Variants in FBXO36 observed in about 807,000 individuals in gnomAD.
The protein encoded by FBXO36 is F-box protein 36, also known as F-box only protein 36.
FBXO36 carries 18 observed loss-of-function variants against 17.0 expected under a neutral mutation model. The ratio of observed to expected loss-of-function variants is 1.06; its 90% CI spans 0.73 to 1.57. The LOEUF (loss-of-function observed/expected upper bound fraction) is 1.57, where lower values mean the gene tolerates loss of function less well. Ranked by LOEUF, FBXO36 falls within the 40% of genes most tolerant of loss-of-function variation. FBXO36 has a pLI of 0.00. For missense variants in FBXO36, 229 were observed against 221.9 expected, an observed-to-expected ratio of 1.03 and a Z score of -0.20; for synonymous variants, 83 against 85.3, an observed-to-expected ratio of 0.97 and a Z score of 0.15.
chr2:229,950,815 G>A (rs1014052419), intron 1 of FBXO36, among the ~76,000 whole-genome samples: 2 of 151,260 alleles, frequency 1.3e-5, no homozygotes, highest in African/African-American at 4.9e-5. Flanking sequence ...GGAGTGCAGT[G>A]GGGTGATCTT....
At chr2:230,002,861 G>A (rs1474808394) in intron 3 of FBXO36, among the ~76,000 whole-genome samples, 1 of 152,100 alleles carries the variant, frequency 6.6e-6, no homozygotes, top group Non-Finnish European at 1.5e-5. Flanking sequence ...TTTTGATAAA[G>A]CTAAACTTGT....
rs1049793522 is a variant in FBXO36, at chr2:229,996,775, C to G, written c.230C>G (p.Ala77Gly). 6.2e-7 allele frequency: 1 copy of G among 1,611,296 alleles called. No individual in the cohort carries two copies. The highest frequency in any genetic ancestry group is 8.5e-7 in the Non-Finnish European group (1 of 1,179,558). ...LQGQTALIFG[A>G]RILDYVINLC... ...GGTCAAACTGCCTTAATATTTGGTG[C>G]AAGAATATTAGACTATGTCATCAAT... The change falls in exon 3 of 4, where the codon GCA becomes GGA. Residue 77 changes from alanine to glycine, a missense_variant. Ala to Gly is a moderately conservative substitution (Grantham distance 60). Transcript: ENST00000283946.
chr2:229,935,675 G>T, intron 1 of FBXO36, among the ~76,000 whole-genome samples: 1 of 152,164 alleles, frequency 6.6e-6, no homozygotes, highest in East Asian at 1.9e-4. Flanking sequence ...AAGTCTTCCT[G>T]TCCTTACATT....
intron 1 of FBXO36, among the ~76,000 whole-genome samples, chr2:229,966,117 C>A (rs1258678845): frequency 6.6e-6 from 1 of 152,168 alleles, no homozygotes; most frequent in East Asian, 1.9e-4. Flanking sequence ...ATTTGTATTT[C>A]TCTGATGGCC....
intron 2 of FBXO36, among the ~76,000 whole-genome samples, chr2:229,989,858 C>T (rs2077289631): frequency 6.6e-6 from 1 of 152,082 alleles, no homozygotes; most frequent in Non-Finnish European, 1.5e-5. Flanking sequence ...CAGGCGTGAG[C>T]CACCGCACCC....
At chr2:229,981,594 CAGG>C (rs2077240087) in intron 2 of FBXO36, among the ~76,000 whole-genome samples, 1 of 150,784 alleles carries the variant, frequency 6.6e-6, no homozygotes, top group Non-Finnish European at 1.5e-5. Context: ...CCCAGTTACT[CAGG>C]AGGCTGAGGT....
At chr2:229,936,606 C>A (rs907022336) in intron 1 of FBXO36, among the ~76,000 whole-genome samples, 1 of 152,144 alleles carries the variant, frequency 6.6e-6, no homozygotes, top group Non-Finnish European at 1.5e-5. Context: ...CGGTGGCTCA[C>A]ACTTGTAATC....
intron 1 of FBXO36, among the ~76,000 whole-genome samples, chr2:229,944,921 T>A (rs2077019111): frequency 6.6e-6 from 1 of 152,188 alleles, no homozygotes; most frequent in Non-Finnish European, 1.5e-5. Context: ...TGTGAACTAA[T>A]AAATAATTTA....
intron 2 of FBXO36, among the ~76,000 whole-genome samples, chr2:229,993,759 C>CTTTA (rs144401075): frequency 0.036 from 5,497 of 151,690 alleles, 354 homozygotes; most frequent in African/African-American, 0.13. Context: ...AACTTTTACA[C>CTTTA]TTTATTTATT....
At chr2:229,965,971 T>C (rs1473110341) in intron 1 of FBXO36, among the ~76,000 whole-genome samples, 1 of 152,216 alleles carries the variant, frequency 6.6e-6, no homozygotes, top group East Asian at 1.9e-4. Context: ...TCCACAATGG[T>C]TGAACTAGTT....
intron 1 of FBXO36, among the ~76,000 whole-genome samples, chr2:229,956,807 TCTC>T (rs2077090502): frequency 6.6e-6 from 1 of 152,072 alleles, no homozygotes; most frequent in Non-Finnish European, 1.5e-5. Context: ...AGAGACTAGT[TCTC>T]CTTTAGTTCA....
At chr2:229,995,265 C>T (rs576804163) in intron 2 of FBXO36, among the ~76,000 whole-genome samples, 27 of 152,212 alleles carry the variant, frequency 1.8e-4, no homozygotes, top group African/African-American at 6.5e-4. Flanking sequence ...AAACATCTAT[C>T]CTTCCAAACA....
chr2:229,954,623 C>T (rs2077076050), intron 1 of FBXO36, among the ~76,000 whole-genome samples: 2 of 145,602 alleles, frequency 1.4e-5, no homozygotes, highest in Admixed American at 1.4e-4. Context: ...TCTCAGCTCA[C>T]TGCAAGCTCC....
chr2:229,946,166 C>A (rs781639098), intron 1 of FBXO36, among the ~76,000 whole-genome samples: 34 of 152,266 alleles, frequency 2.2e-4, no homozygotes, highest in Non-Finnish European at 4.3e-4. Flanking sequence ...GACTGTACTT[C>A]CATGGGACAT....
chr2:229,974,743 A>G (rs999509056), intron 1 of FBXO36, among the ~76,000 whole-genome samples: 4 of 152,166 alleles, frequency 2.6e-5, no homozygotes, highest in East Asian at 1.9e-4. Flanking sequence ...GCCCATTAAT[A>G]TTAAATAATG....
chr2:230,009,183 CAG>C (rs113314824), intron 3 of FBXO36, among the ~76,000 whole-genome samples: 5 of 152,190 alleles, frequency 3.3e-5, no homozygotes, highest in African/African-American at 9.6e-5. Flanking sequence ...AGTCAGGACA[CAG>C]GGGGGCACAG....
intron 2 of FBXO36, among the ~76,000 whole-genome samples, chr2:229,984,355 A>G (rs1056555459): frequency 6.6e-6 from 1 of 151,730 alleles, no homozygotes. Flanking sequence ...TCAAAAACAA[A>G]CAAAAAAAAT....
intron 1 of FBXO36, among the ~76,000 whole-genome samples, chr2:229,927,785 T>C (rs1044384178): frequency 1.6e-4 from 24 of 151,112 alleles, no homozygotes; most frequent in Admixed American, 1.3e-4. Flanking sequence ...CTCACCCCTC[T>C]AAAAAAAATG....
chr2:229,930,636 AG>A (rs898834860), intron 1 of FBXO36, among the ~76,000 whole-genome samples: 50 of 152,148 alleles, frequency 3.3e-4, no homozygotes, highest in African/African-American at 1.2e-3. Flanking sequence ...CTGTAATCCC[AG>A]CTACTCAGGA....
Sources: allele counts gnomAD v4.1 joint callset (sites outside exome capture counted in the v4.1 genomes callset), GRCh38; gene constraint gnomAD v4.1.1; transcripts MANE v1.5; gene names NCBI Gene and HGNC (gene_info 2026-07-23, HGNC 2026-07-21).